TMEFF2: variants seen among roughly 807,000 people sequenced by gnomAD.
TMEFF2 encodes transmembrane protein with EGF like and two follistatin like domains 2.
Under a neutral mutation model 53.8 loss-of-function variants are expected in TMEFF2, and 28 were observed. The ratio of observed to expected loss-of-function variants is 0.52; its 90% confidence interval spans 0.39 to 0.71. TMEFF2 has a LOEUF of 0.71. Ranked by LOEUF, TMEFF2 falls within the 30% of genes least tolerant of loss-of-function variation. The pLI is 0.00. For synonymous variants in TMEFF2, 162 were observed against 166.3 expected, an observed-to-expected ratio of 0.97 and a Z score of 0.20; for missense variants, 353 against 455.2, an observed-to-expected ratio of 0.78 and a Z score of 2.04.
At chr2:192,003,236 A>G (rs1313162543) in intron 5 of TMEFF2, among the ~76,000 whole-genome samples, 2 of 152,218 alleles carry the variant, frequency 1.3e-5, no homozygotes, top group Non-Finnish European at 2.9e-5. Context: ...TGCCCATCTT[A>G]CAGATAAGAA....
intron 4 of TMEFF2, among the ~76,000 whole-genome samples, chr2:192,123,362 G>A (rs952099919): frequency 6.6e-6 from 1 of 151,994 alleles, no homozygotes; most frequent in African/African-American, 2.4e-5. Flanking sequence ...GTCAAAAATT[G>A]AGGTAATCGA....
At chr2:191,950,606 G>A in intron 9 of TMEFF2, 199 bp from the exon 10 acceptor site, 1 of 758,398 alleles carries the variant, frequency 1.3e-6, no homozygotes, top group African/African-American at 1.8e-5. Context: ...AATTTTTGTT[G>A]GGAATTGAAC....
At chr2:192,153,577 A>T (rs1690437928) in intron 4 of TMEFF2, among the ~76,000 whole-genome samples, 2 of 151,876 alleles carry the variant, frequency 1.3e-5, no homozygotes, top group African/African-American at 2.4e-5. Flanking sequence ...CAACCATGGG[A>T]CATTTTAATT....
intron 4 of TMEFF2, among the ~76,000 whole-genome samples, chr2:192,069,005 CA>C (rs1176082315): frequency 6.6e-6 from 1 of 150,754 alleles, no homozygotes; most frequent in Non-Finnish European, 1.5e-5. Context: ...TTACAATATC[CA>C]AAACATTAGA....
chr2:192,090,050 T>C (rs1688756612), intron 4 of TMEFF2, among the ~76,000 whole-genome samples: 4 of 152,190 alleles, frequency 2.6e-5, no homozygotes, highest in Admixed American at 2.6e-4. Flanking sequence ...GCTTCTCTTT[T>C]CTGTAAGCAT....
chr2:191,987,039 C>T (rs1466054446), intron 7 of TMEFF2, among the ~76,000 whole-genome samples: 2 of 151,998 alleles, frequency 1.3e-5, no homozygotes, highest in East Asian at 3.9e-4. Flanking sequence ...TATGTACTTT[C>T]CCCTAATCCC....
chr2:192,095,907 C>T (rs996801525), intron 4 of TMEFF2, among the ~76,000 whole-genome samples: 4 of 151,994 alleles, frequency 2.6e-5, no homozygotes, highest in Non-Finnish European at 5.9e-5. Flanking sequence ...TGACATAATC[C>T]CTAATTTGAG....
intron 9 of TMEFF2, among the ~76,000 whole-genome samples, chr2:191,953,440 C>T (rs7600878): frequency 0.28 from 42,481 of 151,922 alleles, 6,060 homozygotes; most frequent in African/African-American, 0.3. Flanking sequence ...CTAGTTCAAG[C>T]AGGTAAAAAA....
intron 2 of TMEFF2, among the ~76,000 whole-genome samples, chr2:192,189,930 G>C (rs1691420978): frequency 6.6e-6 from 1 of 152,106 alleles, no homozygotes; most frequent in Non-Finnish European, 1.5e-5. Flanking sequence ...TAGTACACTA[G>C]TACATTTAAA....
chr2:192,086,522 G>T (rs1322237552), intron 4 of TMEFF2, among the ~76,000 whole-genome samples: 2 of 152,064 alleles, frequency 1.3e-5, no homozygotes, highest in Non-Finnish European at 2.9e-5. Context: ...TTTGTAGTAT[G>T]TATTACCTTG....
At chr2:192,095,715 T>C (rs1296639555) in intron 4 of TMEFF2, among the ~76,000 whole-genome samples, 1 of 152,164 alleles carries the variant, frequency 6.6e-6, no homozygotes, top group Admixed American at 6.6e-5. Flanking sequence ...AAATATCAGT[T>C]ATTCAACCTA....
chr2:192,060,043 A>AT (rs5837281), intron 4 of TMEFF2, among the ~76,000 whole-genome samples: 115,016 of 146,896 alleles, frequency 0.78, 46,000 homozygotes, highest in Middle Eastern at 0.9. Context: ...CGTGGATCAT[A>AT]TTTTTTTTTT....
intron 7 of TMEFF2, among the ~76,000 whole-genome samples, chr2:191,992,901 G>T (rs559294594): frequency 6.6e-6 from 1 of 152,130 alleles, no homozygotes; most frequent in South Asian, 2.1e-4. Context: ...AATGGTTAAC[G>T]CTTAGGGTGC....
chr2:192,048,655 C>T (rs1325628205), intron 5 of TMEFF2, among the ~76,000 whole-genome samples: 2 of 151,894 alleles, frequency 1.3e-5, no homozygotes, highest in Non-Finnish European at 2.9e-5. Context: ...GATTAAAATC[C>T]ACTGTCATAT....
At chr2:192,104,144 TA>T (rs1480491960) in intron 4 of TMEFF2, among the ~76,000 whole-genome samples, 1 of 152,062 alleles carries the variant, frequency 6.6e-6, no homozygotes, top group Admixed American at 6.6e-5. Flanking sequence ...GATGTTGGCT[TA>T]AGGTAAAAGG....
intron 7 of TMEFF2, among the ~76,000 whole-genome samples, chr2:191,996,082 A>C (rs1489857585): frequency 6.6e-6 from 1 of 151,980 alleles, no homozygotes; most frequent in African/African-American, 2.4e-5. Flanking sequence ...CTGTTTAAAA[A>C]ACCAAACCCA....
At chr2:192,124,258 A>G (rs929596372) in intron 4 of TMEFF2, among the ~76,000 whole-genome samples, 1 of 152,226 alleles carries the variant, frequency 6.6e-6, no homozygotes, top group Non-Finnish European at 1.5e-5. Flanking sequence ...ATTGGAGGGA[A>G]TGTGGGTATA....
chr2:192,087,758 A>G (rs1480578978), intron 4 of TMEFF2, among the ~76,000 whole-genome samples: 1 of 152,142 alleles, frequency 6.6e-6, no homozygotes, highest in Admixed American at 6.6e-5. Flanking sequence ...GAAGTTCTCT[A>G]TATCATACTC....
chr2:191,951,163 GTA>G (rs1209711508), intron 9 of TMEFF2, among the ~76,000 whole-genome samples: 41 of 143,854 alleles, frequency 2.9e-4, no homozygotes, highest in South Asian at 2.8e-3. Context: ...TTATGTGTAT[GTA>G]TGTGTGTGTG....
Sources: allele counts gnomAD v4.1 joint callset (sites outside exome capture counted in the v4.1 genomes callset), GRCh38; gene constraint gnomAD v4.1.1; transcripts MANE v1.5; gene names NCBI Gene and HGNC (gene_info 2026-07-23, HGNC 2026-07-21).